Variants in SEC16B observed in about 807,000 individuals in gnomAD.
SEC16B encodes SEC16 homolog B, endoplasmic reticulum export factor.
A neutral mutation model predicts 141.8 loss-of-function variants in SEC16B; 115 were observed. The observed-to-expected ratio is 0.81, with a 90% confidence interval of 0.70 to 0.95. SEC16B has a LOEUF of 0.95. Among genes scored for constraint, SEC16B ranks in the 40% least tolerant of loss-of-function variants. The pLI, the probability that SEC16B is intolerant of heterozygous loss-of-function variation, is 0.00. For synonymous variants in SEC16B, 493 were observed against 492.5 expected, an observed-to-expected ratio of 1.00 and a Z score of -0.01; for missense variants, 1,291 against 1,312.3, an observed-to-expected ratio of 0.98 and a Z score of 0.25.
Position 177,958,838 on chromosome 1 carries a change from A to G in SEC16B, c.1134+2T>C. 1 of 1,613,084 alleles carries G rather than the reference A, an allele frequency of 6.2e-7. No individual in the cohort carries two copies. The highest frequency in any genetic ancestry group is 8.5e-7 in the Non-Finnish European group (1 of 1,179,382). Reference sequence around the variant, plus strand: ...CTGCTCTCCCACCAGAACAGAACTTACCCCATTCTGGCGACAAAGGAGAAC... The same window carrying G: ...CTGCTCTCCCACCAGAACAGAACTTGCCCCATTCTGGCGACAAAGGAGAAC... On this transcript the variant is annotated splice_donor_variant, in intron 9 of 25. Coordinates refer to ENST00000308284, the MANE Select transcript of SEC16B (RefSeq NM_033127.4). LOFTEE classifies it high-confidence loss of function.
At chr1:177,948,684 A>G (rs1651929751) in intron 12 of SEC16B, 1 of 1,260,186 alleles carries the variant, frequency 7.9e-7, no homozygotes, top group Non-Finnish European at 1.0e-6. Flanking sequence ...CAATAAAGAA[A>G]CAATATAATG....
chr1:177,978,700 C>CAAATAAATAAATAAAT (rs3040686), intron 1 of SEC16B, among the ~76,000 whole-genome samples: 43 of 137,608 alleles, frequency 3.1e-4, no homozygotes, highest in Non-Finnish European at 3.4e-4. Context: ...GACCCTGTCT[C>CAAATAAATAAATAAAT]AAATAAATAA....
At chr1:177,953,487 C>T (rs984124625) in intron 11 of SEC16B, among the ~76,000 whole-genome samples, 1 of 152,228 alleles carries the variant, frequency 6.6e-6, no homozygotes, top group African/African-American at 2.4e-5. Flanking sequence ...TCACCACCCC[C>T]ACCACATTTG....
At chr1:177,984,090 T>A (rs1468406743) in intron 1 of SEC16B, 1 of 152,206 alleles carries the variant, frequency 6.6e-6, no homozygotes, top group Non-Finnish European at 1.5e-5. Context: ...TGAGACCAAA[T>A]GCTTCTCAAA....
At chr1:177,952,279 T>C (rs566949750) in intron 11 of SEC16B, among the ~76,000 whole-genome samples, 1 of 152,266 alleles carries the variant, frequency 6.6e-6, no homozygotes, top group Non-Finnish European at 1.5e-5. Flanking sequence ...GTGGGCCTTC[T>C]TCCATCACTG....
Position 177,960,963 on chromosome 1 carries a change from G to A in SEC16B, c.788-24C>T, listed in dbSNP as rs746954677. 10 of 1,611,968 alleles carry A rather than the reference G, an allele frequency of 6.2e-6. No homozygotes were observed. The Admixed American group carries it at 1.2e-4, about 19-fold the overall frequency. On this transcript the variant is annotated intron_variant, in intron 6 of 25. Coordinates refer to ENST00000308284, the MANE Select transcript of SEC16B (RefSeq NM_033127.4). ...ATCTTCTGACCAACAGACACAGATG[G>A]ACATTGTTAGCGTTACTTCCATCAC...
chr1:177,957,346 G>A (rs1024232587), intron 10 of SEC16B, among the ~76,000 whole-genome samples: 10 of 151,728 alleles, frequency 6.6e-5, no homozygotes, highest in South Asian at 4.2e-4. Flanking sequence ...TTTAAATGGC[G>A]CTATTGGGGT....
At chr1:177,933,777 G>T in intron 20 of SEC16B, 141 bp from the exon 21 acceptor site, 2 of 846,346 alleles carry the variant, frequency 2.4e-6, no homozygotes, top group Non-Finnish European at 3.6e-6. Context: ...AGGAAGGAAG[G>T]CTCAGCCATG....
intron 1 of SEC16B, among the ~76,000 whole-genome samples, chr1:177,983,843 C>CAAA (rs1654522023): frequency 6.6e-6 from 1 of 152,204 alleles, no homozygotes; most frequent in African/African-American, 2.4e-5. Context: ...TTCATCTTTC[C>CAAA]ATAATCAAAC....
chr1:177,933,459 G>C (rs981128711), intron 21 of SEC16B, 25 bp downstream of exon 21: 1 of 1,607,580 alleles, frequency 6.2e-7, no homozygotes, highest in Admixed American at 1.7e-5. Context: ...AGGAAGGCAG[G>C]GGAGAGAAGA....
chr1:177,951,852 G>T, intron 12 of SEC16B, 62 bp downstream of exon 12: 2 of 1,377,786 alleles, frequency 1.5e-6, no homozygotes, highest in Non-Finnish European at 2.0e-6. Flanking sequence ...CTCCTGAGCA[G>T]TCCCCGCCCC....
chr1:177,941,060 G>C (rs1188802497), intron 16 of SEC16B, among the ~76,000 whole-genome samples: 5 of 152,172 alleles, frequency 3.3e-5, no homozygotes, highest in Non-Finnish European at 5.9e-5. Flanking sequence ...AATTCTAATT[G>C]TAAACTTGTT....
At position 177,941,802 on chromosome 1, in the gene SEC16B, T is replaced by C. The variant is rs1369016182; in HGVS notation, c.2022+98A>G. On this transcript the variant is annotated intron_variant, in intron 16 of 25. Transcript: ENST00000308284. ...CCGTGGGCTCCAATTTTATGGCATG[T>C]TCAAAGAAGATGAAATGTAGAGTCT... The C allele has an allele frequency of 5.0e-6, 7 of 1,402,196 alleles. No homozygotes were observed. In the Admixed American group the frequency reaches 1.6e-4, roughly 31 times the overall value. 86.9% of individuals were successfully genotyped at this position (1,402,196 alleles called of 1,614,324 possible).
At chr1:177,950,711 C>G (rs1652120746) in intron 12 of SEC16B, among the ~76,000 whole-genome samples, 1 of 151,702 alleles carries the variant, frequency 6.6e-6, no homozygotes, top group South Asian at 2.1e-4. Context: ...TACTAGAGCT[C>G]AGGAAATAGA....
chr1:177,935,707 A>G (rs1650785906), intron 20 of SEC16B, among the ~76,000 whole-genome samples: 1 of 151,764 alleles, frequency 6.6e-6, no homozygotes, highest in Non-Finnish European at 1.5e-5. Flanking sequence ...TAAGACCTGT[A>G]CCCCTGTTTT....
chr1:177,957,716 C>T (rs1214166603), intron 10 of SEC16B, among the ~76,000 whole-genome samples: 4 of 152,118 alleles, frequency 2.6e-5, no homozygotes, highest in Admixed American at 2.6e-4. Context: ...CTATTATGGA[C>T]TATAGTTCCC....
At chr1:177,961,353 T>C in intron 6 of SEC16B, 1 of 519,588 alleles carries the variant, frequency 1.9e-6, no homozygotes, top group East Asian at 3.4e-5. Context: ...AGTGCCTCCT[T>C]TCCCAACTTG....
Position 177,929,444 on chromosome 1 carries a change from G to C in SEC16B, c.*414C>G, listed in dbSNP as rs16852158. 19,972 of 201,676 alleles carry C rather than the reference G, an allele frequency of 0.099. 1,489 individuals are homozygous for C. The highest frequency in any genetic ancestry group is 0.34 in the East Asian group (2,941 of 8,726). 12.5% of individuals were successfully genotyped at this position (201,676 alleles called of 1,614,324 possible). On this transcript the variant is annotated 3_prime_UTR_variant, in exon 26 of 26. Transcript: ENST00000308284. Reference sequence around the variant, plus strand: ...CTAAGACAGGAAGTAGTCAAAGTTGGTCTAGAATATTGTTCTGAGCCCCTG... The same window carrying C: ...CTAAGACAGGAAGTAGTCAAAGTTGCTCTAGAATATTGTTCTGAGCCCCTG...
chr1:177,941,176 C>T (rs1315896557), intron 16 of SEC16B, among the ~76,000 whole-genome samples: 1 of 152,162 alleles, frequency 6.6e-6, no homozygotes, highest in East Asian at 1.9e-4. Context: ...AGGATTTATT[C>T]CATAAACAAG....
Sources: allele counts gnomAD v4.1 joint callset (sites outside exome capture counted in the v4.1 genomes callset), GRCh38; gene constraint gnomAD v4.1.1; transcripts MANE v1.5; gene names NCBI Gene and HGNC (gene_info 2026-07-23, HGNC 2026-07-21).